PLB1: variants seen among roughly 807,000 people sequenced by gnomAD.
The protein encoded by PLB1 is phospholipase B1.
A neutral mutation model predicts 227.4 loss-of-function variants in PLB1; 242 were observed. The ratio of observed to expected loss-of-function variants is 1.06; its 90% CI spans 0.96 to 1.18. The LOEUF is 1.18. PLB1 is among the 50% of genes most tolerant of loss of function. PLB1 has a pLI of 0.00. For synonymous variants in PLB1, 757 were observed against 682.2 expected, an observed-to-expected ratio of 1.11 and a Z score of -1.71; for missense variants, 1,858 against 1,816.3, an observed-to-expected ratio of 1.02 and a Z score of -0.42.
intron 1 of PLB1, among the ~76,000 whole-genome samples, chr2:28,512,234 T>C (rs1479482461): frequency 6.6e-6 from 1 of 152,172 alleles, no homozygotes; most frequent in African/African-American, 2.4e-5. Flanking sequence ...TTAAGTTTAC[T>C]GATCTTTTAT....
Position 28,514,425 on chromosome 2 carries a change from T to A in PLB1, c.56-2383T>A, listed in dbSNP as rs923221038. On this transcript the variant is annotated intron_variant, in intron 1 of 57. Transcript: ENST00000327757. ...TATTGTGTTGGCTCTTCTAGGTCGT[T>A]TGCCTCTTAATATAAATTTTAGAAT... Among the ~76,000 whole-genome samples, 17 of 152,346 alleles carry A rather than the reference T, an allele frequency of 1.1e-4. No individual in the cohort carries two copies. In the East Asian group the frequency reaches 2.9e-3, roughly 26 times the overall value.
intron 18 of PLB1, among the ~76,000 whole-genome samples, chr2:28,564,471 A>G (rs1676549074): frequency 6.6e-6 from 1 of 152,202 alleles, no homozygotes. Flanking sequence ...TAGCAGCTTC[A>G]TACACTGCTT....
chr2:28,527,838 A>G (rs770475195), intron 6 of PLB1, among the ~76,000 whole-genome samples: 1 of 152,234 alleles, frequency 6.6e-6, no homozygotes, highest in African/African-American at 2.4e-5. Flanking sequence ...GGTACCTTTC[A>G]TTCAGAAAGC....
At chr2:28,624,433 T>C (rs926612929) in intron 49 of PLB1, among the ~76,000 whole-genome samples, 2 of 152,180 alleles carry the variant, frequency 1.3e-5, no homozygotes, top group African/African-American at 4.8e-5. Flanking sequence ...GGCATTCATA[T>C]CGCTCATCCA....
intron 26 of PLB1, among the ~76,000 whole-genome samples, chr2:28,589,080 G>A (rs1356671191): frequency 3.3e-5 from 5 of 152,032 alleles, no homozygotes; most frequent in African/African-American, 1.2e-4. Context: ...CAGGGGAATC[G>A]CTTGAACCCG....
intron 3 of PLB1, among the ~76,000 whole-genome samples, chr2:28,518,833 G>A (rs1467019340): frequency 6.6e-6 from 1 of 152,144 alleles, no homozygotes; most frequent in Admixed American, 6.5e-5. Flanking sequence ...TAGTACAATG[G>A]CAGCTCTGGA....
chr2:28,619,988 CAGTT>C (rs1686794515), intron 46 of PLB1, among the ~76,000 whole-genome samples: 2 of 152,022 alleles, frequency 1.3e-5, no homozygotes, highest in South Asian at 2.1e-4. Flanking sequence ...GTGAGGGTCT[CAGTT>C]AGGAACACGG....
chr2:28,570,754 C>G (rs1252046738), intron 20 of PLB1, among the ~76,000 whole-genome samples: 2 of 152,136 alleles, frequency 1.3e-5, no homozygotes, highest in Admixed American at 6.5e-5. Context: ...CCACTTCACT[C>G]CAGCCTGAGT....
intron 17 of PLB1, 102 bp downstream of exon 17, chr2:28,553,093 A>C: frequency 3.1e-6 from 3 of 971,408 alleles, no homozygotes; most frequent in Non-Finnish European, 3.3e-6. Flanking sequence ...GTGGTTTCTC[A>C]GGGACAACAG....
intron 46 of PLB1, 40 bp downstream of exon 46, chr2:28,618,439 T>TCCAC: frequency 2.5e-6 from 4 of 1,591,730 alleles, no homozygotes; most frequent in Non-Finnish European, 3.4e-6. Flanking sequence ...CAGCTCAGAG[T>TCCAC]CCAGCCAGGC....
At position 28,614,096 on chromosome 2, in the gene PLB1, G is replaced by A; in HGVS notation, c.3195G>A (p.Glu1065=). The A allele has an allele frequency of 6.2e-7, 1 of 1,610,536 alleles. No homozygotes were observed. Among genetic ancestry groups the A allele is most frequent in the Non-Finnish European group, 8.5e-7 (1 of 1,176,902 alleles). The change falls in exon 44 of 58, where the codon GAG becomes GAA. Residue 1065 remains glutamate (E), a splice_region_variant and synonymous_variant. Coordinates refer to ENST00000327757, the MANE Select transcript of PLB1 (RefSeq NM_153021.5). ...NYTYPIKPAI[E]NWGSDFLCTE... ...CGTACCCCATCAAGCCAGCCATTGA[G>A]GTAACCCCTGACTCACATCTGCCTC...
At chr2:28,602,110 T>A in intron 38 of PLB1, 146 bp downstream of exon 38, 1 of 779,472 alleles carries the variant, frequency 1.3e-6, no homozygotes, top group Non-Finnish European at 2.1e-6. Flanking sequence ...GGTTGGGGTC[T>A]AACCCCAAGG....
chr2:28,532,162 A>T lies in PLB1; in HGVS notation c.523A>T (p.Ser175Cys). 1 of 1,613,268 alleles carries T rather than the reference A, an allele frequency of 6.2e-7. No homozygotes were observed. Among genetic ancestry groups the T allele is most frequent in the Non-Finnish European group, 8.5e-7 (1 of 1,179,686 alleles). The change falls in exon 9 of 58, where the codon AGC becomes TGC. Residue 175 changes from serine (S) to cysteine (C), a missense_variant. Physicochemically the swap from Ser to Cys is moderately radical, Grantham distance 112. Coordinates refer to ENST00000327757, the MANE Select transcript of PLB1 (RefSeq NM_153021.5). ...KLINVFFSNASQCYLCPSAQQ... is the reference protein window; with the variant it reads ...KLINVFFSNACQCYLCPSAQQ... The stretch of plus-strand genomic sequence containing the variant: ...CATCAATGTGTTCTTCAGTAATGCA[A>T]GCCAGTGTTACCTGTGCCCCTCTGC...
chr2:28,579,556 C>T (rs1331225386), intron 22 of PLB1, 71 bp from the exon 23 acceptor site: 2 of 1,255,058 alleles, frequency 1.6e-6, no homozygotes, highest in Non-Finnish European at 2.3e-6. Flanking sequence ...TTCTAGTTTG[C>T]AAGCATTTTG....
intron 51 of PLB1, 90 bp downstream of exon 51, chr2:28,626,598 G>T: frequency 1.5e-6 from 1 of 654,134 alleles, no homozygotes; most frequent in African/African-American, 2.4e-5. Context: ...GCCCTGCCCC[G>T]AGCTCCTTGC....
chr2:28,543,447 G>A (rs1419900682), intron 14 of PLB1, among the ~76,000 whole-genome samples, 179 bp downstream of exon 14: 2 of 152,204 alleles, frequency 1.3e-5, no homozygotes, highest in African/African-American at 2.4e-5. Context: ...CTGAGACTTT[G>A]CCTCGCCACA....
At chr2:28,606,466 A>T in intron 42 of PLB1, 30 bp from the exon 43 acceptor site, 1 of 1,598,958 alleles carries the variant, frequency 6.3e-7, no homozygotes, top group Non-Finnish European at 8.6e-7. Context: ...AAACTACTAC[A>T]CCCGTGTCTC....
At chr2:28,635,842 C>G (rs1383982129) in intron 56 of PLB1, among the ~76,000 whole-genome samples, 1 of 152,204 alleles carries the variant, frequency 6.6e-6, no homozygotes, top group African/African-American at 2.4e-5. Flanking sequence ...CTGCAGAAAT[C>G]CTGCTCTCAG....
At chr2:28,539,314 C>A in intron 11 of PLB1, 136 bp downstream of exon 11, 3 of 772,798 alleles carry the variant, frequency 3.9e-6, no homozygotes, top group Admixed American at 2.1e-5. Flanking sequence ...GAAACACATG[C>A]GAGCTCACAC....
Sources: gnomAD v4.1 joint callset for allele counts (sites outside exome capture counted in the v4.1 genomes callset) on GRCh38, gnomAD v4.1.1 for gene constraint, MANE v1.5 for transcripts, NCBI Gene and HGNC (gene_info 2026-07-23, HGNC 2026-07-21) for gene names.